The following NTM variants were observed in gnomAD, a reference collection of about 807,000 sequenced individuals.
NTM encodes the protein IgLON family member 2.
A neutral mutation model predicts 42.1 loss-of-function variants in NTM; 13 were observed. The ratio of observed to expected loss-of-function variants is 0.31; its 90% confidence interval spans 0.20 to 0.49. The LOEUF is 0.49. Ranked by LOEUF, NTM falls within the 20% of genes least tolerant of loss-of-function variation. NTM has a pLI of 0.99. For missense variants in NTM, 373 were observed against 452.8 expected (o/e 0.82, Z 1.60); for synonymous variants, 187 against 179.2 (o/e 1.04, Z -0.35).
At chr11:131,539,337 G>A (rs1411826061) in intron 1 of NTM, 5 of 152,258 alleles carry the variant, frequency 3.3e-5, no homozygotes, top group Non-Finnish European at 7.3e-5. Context: ...ATTTCAGGCA[G>A]AATGGAGAGG....
intron 1 of NTM, among the ~76,000 whole-genome samples, chr11:131,879,817 C>T (rs1855410056): frequency 6.6e-6 from 1 of 152,116 alleles, no homozygotes; most frequent in Non-Finnish European, 1.5e-5. Context: ...CTTTCCTCTT[C>T]CTAGATTCCA....
At chr11:131,410,481 A>G (rs1369134987) in intron 1 of NTM, among the ~76,000 whole-genome samples, 3 of 142,172 alleles carry the variant, frequency 2.1e-5, no homozygotes, top group Non-Finnish European at 4.5e-5. Flanking sequence ...TGACAGAGTG[A>G]GACCCTGTCT....
chr11:131,894,026 T>C (rs966745131), intron 1 of NTM, among the ~76,000 whole-genome samples: 1 of 152,200 alleles, frequency 6.6e-6, no homozygotes, highest in Non-Finnish European at 1.5e-5. Context: ...TAGCTTCTTT[T>C]GTGGGAGGCA....
Position 131,923,323 on chromosome 11 carries a change from G to T in NTM, c.167+11675G>T, listed in dbSNP as rs150654885. 7.2e-5 allele frequency among the ~76,000 whole-genome samples: 11 copies of T among 152,170 alleles called. No individual in the cohort carries two copies. The East Asian group carries it at 2.1e-3, about 29-fold the overall frequency. On this transcript the variant is annotated intron_variant, in intron 2 of 8. Coordinates refer to ENST00000683400, the MANE Select transcript of NTM (RefSeq NM_001352005.2). ...GCCTGGGACATGGGATCTATTACAGGATATTTGTTGAGTGAATGAAACGTT... is the reference window on the plus strand; with the variant it reads ...GCCTGGGACATGGGATCTATTACAGTATATTTGTTGAGTGAATGAAACGTT...
chr11:132,152,340 T>G (rs2072126254), intron 3 of NTM, among the ~76,000 whole-genome samples: 1 of 152,180 alleles, frequency 6.6e-6, no homozygotes, highest in Non-Finnish European at 1.5e-5. Context: ...CGAAATAGAC[T>G]GAAGTCACCT....
At chr11:132,132,044 T>A (rs2137085778) in intron 2 of NTM, among the ~76,000 whole-genome samples, 1 of 152,324 alleles carries the variant, frequency 6.6e-6, no homozygotes, top group Admixed American at 6.5e-5. Flanking sequence ...CTTAGATAAT[T>A]ATTTGCCCAG....
At chr11:132,104,974 T>TTTC (rs1423816931) in intron 2 of NTM, among the ~76,000 whole-genome samples, 1 of 121,572 alleles carries the variant, frequency 8.2e-6, no homozygotes, top group Non-Finnish European at 1.7e-5. Context: ...TATATATATA[T>TTTC]ATATATATAT....
intron 1 of NTM, among the ~76,000 whole-genome samples, chr11:131,835,987 G>A (rs990235127): frequency 2.0e-5 from 3 of 152,106 alleles, no homozygotes; most frequent in Non-Finnish European, 2.9e-5. Context: ...TGTTTATATG[G>A]AGAGTAAAAA....
intron 1 of NTM, among the ~76,000 whole-genome samples, chr11:131,694,074 T>C (rs1232866896): frequency 6.6e-6 from 1 of 152,230 alleles, no homozygotes; most frequent in Non-Finnish European, 1.5e-5. Flanking sequence ...CTCTGTCACA[T>C]GGATCTAACA....
chr11:132,081,288 C>T (rs1209651351), intron 2 of NTM, among the ~76,000 whole-genome samples: 1 of 152,236 alleles, frequency 6.6e-6, no homozygotes, highest in Non-Finnish European at 1.5e-5. Flanking sequence ...TATTACACTA[C>T]AGAAACAATA....
At chr11:132,061,481 G>A (rs761732662) in intron 2 of NTM, among the ~76,000 whole-genome samples, 11 of 152,192 alleles carry the variant, frequency 7.2e-5, no homozygotes, top group Non-Finnish European at 1.6e-4. Context: ...ACCTAATAGA[G>A]TGTGTGGCTA....
chr11:131,657,597 G>A (rs1032733872), intron 1 of NTM, among the ~76,000 whole-genome samples: 1 of 152,178 alleles, frequency 6.6e-6, no homozygotes, highest in Non-Finnish European at 1.5e-5. Context: ...CTTGTCAATA[G>A]GATGCTATAT....
At chr11:132,071,435 G>A (rs1174723097) in intron 2 of NTM, among the ~76,000 whole-genome samples, 1 of 152,236 alleles carries the variant, frequency 6.6e-6, no homozygotes, top group Non-Finnish European at 1.5e-5. Flanking sequence ...CCACCACCGT[G>A]CTTGCCTGTA....
intron 4 of NTM, among the ~76,000 whole-genome samples, chr11:132,294,936 A>G (rs1014346529): frequency 6.6e-6 from 1 of 152,220 alleles, no homozygotes; most frequent in African/African-American, 2.4e-5. Context: ...AAGCAGGGAC[A>G]TTGGCTATAA....
chr11:132,335,384 C>G lies in NTM; in HGVS notation c.*238C>G. ...TTTAGGTACAATGGAGTTTTCTTTT[C>G]CCAAACGGGAAGAACACAGCACACC... On this transcript the variant is annotated 3_prime_UTR_variant, in exon 9 of 9. Transcript: ENST00000683400. 2.1e-6 allele frequency: 1 copy of G among 483,604 alleles called. No individual in the cohort carries two copies. Among genetic ancestry groups the G allele is most frequent in the Non-Finnish European group, 3.7e-6 (1 of 270,416 alleles). 30.0% of individuals were successfully genotyped at this position (483,604 alleles called of 1,614,324 possible). A position where few individuals can be genotyped will look rare whatever the true frequency, so the allele number is the denominator to read the frequency against.
chr11:131,491,721 A>T (rs187970623), intron 1 of NTM, among the ~76,000 whole-genome samples: 1 of 152,298 alleles, frequency 6.6e-6, no homozygotes, highest in African/African-American at 2.4e-5. Context: ...AGGGAATCAG[A>T]GGATACCAGA....
intron 1 of NTM, among the ~76,000 whole-genome samples, chr11:131,859,006 T>C (rs986462421): frequency 6.6e-6 from 1 of 152,146 alleles, no homozygotes; most frequent in Non-Finnish European, 1.5e-5. Context: ...CCTCAGCCAG[T>C]CAGAGTTTTG....
At position 131,683,857 on chromosome 11, in the gene NTM, C is replaced by T. The variant is rs1009081886; in HGVS notation, c.83-227707C>T. ...ATGGCGTCCTAGGCTGACTTCTCCC[C>T]GGGGTCTTCCCAGCCCTGGTGCGTG... On this transcript the variant is annotated intron_variant, in intron 1 of 8. Transcript: ENST00000683400. Among the ~76,000 whole-genome samples the T allele has an allele frequency of 3.9e-5, 6 of 152,258 alleles. 1 individual carries two copies. Among genetic ancestry groups the T allele is most frequent in the Admixed American group, 3.3e-4 (5 of 15,290 alleles).
intron 1 of NTM, among the ~76,000 whole-genome samples, chr11:131,834,137 GT>G (rs1411909133): frequency 1.2e-4 from 18 of 152,058 alleles, no homozygotes; most frequent in Non-Finnish European, 2.5e-4. Context: ...CTTGGCCTCT[GT>G]TTAGTCTCTG....
Sources: gnomAD v4.1 joint callset for allele counts (sites outside exome capture counted in the v4.1 genomes callset) on GRCh38, gnomAD v4.1.1 for gene constraint, MANE v1.5 for transcripts, NCBI Gene and HGNC (gene_info 2026-07-23, HGNC 2026-07-21) for gene names.